The following FAM227B variants were observed in gnomAD, a reference collection of about 807,000 sequenced individuals.
FAM227B encodes the protein protein FAM227B.
Under a neutral mutation model 73.8 loss-of-function variants are expected in FAM227B, and 88 were observed. The ratio of observed to expected loss-of-function variants is 1.19; its 90% CI spans 1.00 to 1.42. The LOEUF is 1.42. Among genes scored for constraint, FAM227B ranks in the 40% most tolerant of loss-of-function variants. The pLI is 0.00. For synonymous variants in FAM227B, 210 were observed against 190.5 expected, an observed-to-expected ratio of 1.10 and a Z score of -0.84; for missense variants, 632 against 590.9, an observed-to-expected ratio of 1.07 and a Z score of -0.72.
chr15:49,574,369 T>G (rs2075312659), intron 8 of FAM227B, among the ~76,000 whole-genome samples: 1 of 152,130 alleles, frequency 6.6e-6, no homozygotes, highest in African/African-American at 2.4e-5. Context: ...AGGGAGGGAC[T>G]GGGAGGGAGG....
intron 11 of FAM227B, among the ~76,000 whole-genome samples, chr15:49,463,138 T>A (rs564654559): frequency 6.6e-6 from 1 of 152,348 alleles, no homozygotes; most frequent in Admixed American, 6.5e-5. Context: ...CTCCATCAGC[T>A]CCTGCTTAGA....
At chr15:49,484,725 A>C in intron 11 of FAM227B, 1 of 369,390 alleles carries the variant, frequency 2.7e-6, no homozygotes, top group Non-Finnish European at 4.8e-6. Context: ...AGATTTAGTA[A>C]CTAAAGGTTG....
rs982738061 is a variant in FAM227B at position 49,397,249 on chromosome 15, C to G, written c.1013-25850G>C. ...ATCAACTAGAAGAAAGGGTATCAGC[C>G]ATGGAAGATGAAATGAATGAAATGA... On this transcript the variant is annotated intron_variant, in intron 11 of 15. Transcript: ENST00000299338. Among the ~76,000 whole-genome samples the G allele has an allele frequency of 9.2e-5, 14 of 152,100 alleles. No homozygotes were observed. The East Asian group carries it at 9.7e-4, about 11-fold the overall frequency.
chr15:49,340,834 T>G (rs2040607519), intron 13 of FAM227B, among the ~76,000 whole-genome samples: 1 of 152,204 alleles, frequency 6.6e-6, no homozygotes, highest in Non-Finnish European at 1.5e-5. Flanking sequence ...ACAGATTATT[T>G]CTCAATGCCA....
rs760586458 is a variant in FAM227B, at chr15:49,588,076, A to G, written c.345T>C (p.Tyr115=). The stretch of plus-strand genomic sequence containing the variant: ...ATTCCCCATATCGTTCCAATTTTCT[A>G]TAAGAACCTTTAAGAAAATAAGAAT... ...WKSMISETSS[Y]RKLERYGEFL... Residue 115 remains tyrosine (Y), a synonymous_variant, in exon 5 of 16, where the codon TAT becomes TAC. Coordinates refer to ENST00000299338, the MANE Select transcript of FAM227B (RefSeq NM_152647.3). The G allele has an allele frequency of 4.3e-6, 6 of 1,408,590 alleles. No individual in the cohort carries two copies. The highest frequency in any genetic ancestry group is 1.5e-5 in the African/African-American group (1 of 68,406). 87.3% of individuals were successfully genotyped at this position (1,408,590 alleles called of 1,614,324 possible).
chr15:49,355,889 C>T (rs2043073398), intron 13 of FAM227B, among the ~76,000 whole-genome samples: 1 of 152,108 alleles, frequency 6.6e-6, no homozygotes, highest in African/African-American at 2.4e-5. Flanking sequence ...AACAGTGGAT[C>T]TCTCGGCAGA....
chr15:49,345,814 G>A (rs1307288083), intron 13 of FAM227B, among the ~76,000 whole-genome samples: 1 of 152,066 alleles, frequency 6.6e-6, no homozygotes, highest in East Asian at 1.9e-4. Context: ...GAGAAACAAA[G>A]GGTTTTGGAA....
intron 13 of FAM227B, among the ~76,000 whole-genome samples, chr15:49,364,511 G>GA (rs1352013989): frequency 1.3e-5 from 2 of 151,808 alleles, no homozygotes; most frequent in Non-Finnish European, 2.9e-5. Flanking sequence ...CTCTACAGCT[G>GA]AAAAAATGTT....
chr15:49,341,631 C>CT (rs2040744317), intron 13 of FAM227B, among the ~76,000 whole-genome samples: 1 of 152,150 alleles, frequency 6.6e-6, no homozygotes, highest in Non-Finnish European at 1.5e-5. Flanking sequence ...GGATTACAGG[C>CT]TTGAGCCACT....
intron 11 of FAM227B, among the ~76,000 whole-genome samples, chr15:49,440,971 CT>C (rs1369812605): frequency 1.3e-5 from 2 of 151,790 alleles, no homozygotes; most frequent in Admixed American, 1.3e-4. Flanking sequence ...AACCTGCTTA[CT>C]GCTTAGAGAT....
rs1406236550 is a variant in FAM227B at position 49,539,236 on chromosome 15, C to G, written c.874+2444G>C. Among the ~76,000 whole-genome samples the G allele has an allele frequency of 4.6e-5, 7 of 152,176 alleles. No individual in the cohort carries two copies. In the East Asian group the frequency reaches 1.3e-3, roughly 29 times the overall value. ...CACTGAAAATTGCAGCATCCTCAGT[C>G]GCCAAGGCTAGTGGTGTCTGCAATG... is the stretch of plus-strand genomic sequence containing the variant. On this transcript the variant is annotated intron_variant, in intron 10 of 15. Coordinates refer to ENST00000299338, the MANE Select transcript of FAM227B (RefSeq NM_152647.3).
At chr15:49,366,594 G>A in intron 13 of FAM227B, 1 of 1,598,076 alleles carries the variant, frequency 6.3e-7, no homozygotes, top group Non-Finnish European at 8.6e-7. Flanking sequence ...CCAGACGCAT[G>A]CAAGATTGCT....
At chr15:49,607,648 A>G (rs1043890185) in intron 3 of FAM227B, among the ~76,000 whole-genome samples, 1 of 152,214 alleles carries the variant, frequency 6.6e-6, no homozygotes, top group Non-Finnish European at 1.5e-5. Flanking sequence ...AAGATATTGA[A>G]ATATTATGAG....
intron 11 of FAM227B, among the ~76,000 whole-genome samples, chr15:49,448,266 T>C (rs2052404133): frequency 6.6e-6 from 1 of 151,630 alleles, no homozygotes; most frequent in South Asian, 2.1e-4. Context: ...CTACATCTCC[T>C]TCCAAATTTG....
intron 11 of FAM227B, among the ~76,000 whole-genome samples, chr15:49,475,859 A>G (rs2055216371): frequency 6.6e-6 from 1 of 152,166 alleles, no homozygotes; most frequent in South Asian, 2.1e-4. Context: ...GTGGTGGCGC[A>G]TGCCTGTAAT....
chr15:49,532,707 C>A (rs1195721820), intron 10 of FAM227B, among the ~76,000 whole-genome samples: 3 of 151,424 alleles, frequency 2.0e-5, no homozygotes, highest in Non-Finnish European at 3.0e-5. Context: ...TCTCAAAAAA[C>A]CATTTTATTG....
Position 49,405,567 on chromosome 15 carries a change from T to A in FAM227B, c.1013-34168A>T, listed in dbSNP as rs544926618. Among the ~76,000 whole-genome samples, 3 of 152,350 alleles carry A rather than the reference T, an allele frequency of 2.0e-5. No homozygotes were observed. The South Asian group carries it at 6.2e-4, about 32-fold the overall frequency. On this transcript the variant is annotated intron_variant, in intron 11 of 15. Coordinates refer to ENST00000299338, the MANE Select transcript of FAM227B (RefSeq NM_152647.3). ...TCTGTTATTAACACTTGTGATCACATTGTAAAATTATTGTAGCATGTTTTT... is the reference window on the plus strand; with the variant it reads ...TCTGTTATTAACACTTGTGATCACAATGTAAAATTATTGTAGCATGTTTTT...
At position 49,354,879 on chromosome 15, in the gene FAM227B, G is replaced by C. The variant is rs572473912; in HGVS notation, c.1271+12569C>G. 4.3e-4 allele frequency among the ~76,000 whole-genome samples: 66 copies of C among 152,116 alleles called. 1 individual carries two copies. Among genetic ancestry groups the C allele is most frequent in the South Asian group, 1.7e-3 (8 of 4,812 alleles). On this transcript the variant is annotated intron_variant, in intron 13 of 15. Transcript: ENST00000299338. ...AAGAGAGCAGTGGTTCTCCCAGCATGCAGCTGGAGATCTGAGAACGGGCAG... is the reference window on the plus strand; with the variant it reads ...AAGAGAGCAGTGGTTCTCCCAGCATCCAGCTGGAGATCTGAGAACGGGCAG...
chr15:49,426,261 C>T (rs1015114722), intron 11 of FAM227B, among the ~76,000 whole-genome samples: 1 of 151,686 alleles, frequency 6.6e-6, no homozygotes, highest in Non-Finnish European at 1.5e-5. Context: ...TTTTAAACCG[C>T]AGAATATATT....
Sources: allele counts gnomAD v4.1 joint callset (sites outside exome capture counted in the v4.1 genomes callset), GRCh38; gene constraint gnomAD v4.1.1; transcripts MANE v1.5; gene names NCBI Gene and HGNC (gene_info 2026-07-23, HGNC 2026-07-21).